CSMD1: variants seen among roughly 807,000 people sequenced by gnomAD.
CSMD1 encodes the protein CUB and sushi domain-containing protein 1.
In CSMD1, 213 loss-of-function variants were observed where a neutral mutation model predicts 417.5. The observed-to-expected ratio is 0.51, with a 90% CI of 0.46 to 0.57. The LOEUF is 0.57. CSMD1 is among the 20% of genes least tolerant of loss of function. CSMD1 has a pLI of 0.00. For missense variants in CSMD1, 6,923 were observed against 4,529.7 expected, an observed-to-expected ratio of 1.53 and a Z score of -15.17; for synonymous variants, 2,862 against 1,736.8, an observed-to-expected ratio of 1.65 and a Z score of -16.11.
At chr8:3,549,514 G>A (rs1177613827) in intron 10 of CSMD1, among the ~76,000 whole-genome samples, 1 of 152,174 alleles carries the variant, frequency 6.6e-6, no homozygotes, top group South Asian at 2.1e-4. Context: ...GGTCGTCAGG[G>A]CTCTCCTTTC....
intron 3 of CSMD1, among the ~76,000 whole-genome samples, chr8:4,324,851 T>C (rs1286011469): frequency 6.6e-6 from 1 of 152,178 alleles, no homozygotes; most frequent in East Asian, 1.9e-4. Context: ...GAGGAGGGAC[T>C]CCCATCCCAG....
chr8:2,979,527 C>A (rs1247998288), intron 54 of CSMD1, among the ~76,000 whole-genome samples: 2 of 152,218 alleles, frequency 1.3e-5, no homozygotes, highest in Admixed American at 1.3e-4. Context: ...TGCTTTGACC[C>A]ACCCCACCAG....
intron 2 of CSMD1, among the ~76,000 whole-genome samples, chr8:4,628,521 A>G (rs745515549): frequency 6.6e-6 from 1 of 151,654 alleles, no homozygotes; most frequent in African/African-American, 2.4e-5. Context: ...CTATACAGAG[A>G]GAGAAAGAGA....
At chr8:4,372,098 C>G (rs886281106) in intron 3 of CSMD1, among the ~76,000 whole-genome samples, 1 of 152,204 alleles carries the variant, frequency 6.6e-6, no homozygotes, top group Non-Finnish European at 1.5e-5. Context: ...CCCTTTCTAT[C>G]TCAGTGCAAA....
chr8:3,780,516 G>C (rs566868924), intron 5 of CSMD1, among the ~76,000 whole-genome samples: 29 of 152,124 alleles, frequency 1.9e-4, no homozygotes, highest in Non-Finnish European at 3.7e-4. Flanking sequence ...GTCAATTTTT[G>C]TGGTACTACT....
chr8:3,412,838 G>A (rs376606141), intron 12 of CSMD1, among the ~76,000 whole-genome samples: 28 of 152,330 alleles, frequency 1.8e-4, no homozygotes, highest in East Asian at 7.7e-4. Context: ...TTGAATGAGC[G>A]TCTGTCACTG....
intron 8 of CSMD1, among the ~76,000 whole-genome samples, chr8:3,597,275 A>T (rs545200576): frequency 1.3e-4 from 20 of 152,234 alleles, no homozygotes; most frequent in Admixed American, 5.2e-4. Context: ...GAGACAGAGC[A>T]TCTCCCTGGG....
At chr8:4,988,771 A>T (rs935999054) in intron 1 of CSMD1, among the ~76,000 whole-genome samples, 1 of 152,252 alleles carries the variant, frequency 6.6e-6, no homozygotes, top group Non-Finnish European at 1.5e-5. Flanking sequence ...ATTGCAACTG[A>T]GCTCAGAAAA....
intron 43 of CSMD1, among the ~76,000 whole-genome samples, chr8:3,109,879 C>CAT (rs1358432050): frequency 2.0e-5 from 3 of 151,244 alleles, no homozygotes; most frequent in African/African-American, 7.3e-5. Flanking sequence ...ATCACACACC[C>CAT]ATACCCAACC....
In CSMD1 at chr8:2,996,997, T is replaced by C. The variant is rs201958867; in HGVS notation, c.8377+1014A>G. 9.2e-5 allele frequency among the ~76,000 whole-genome samples: 14 copies of C among 152,342 alleles called. No homozygotes were observed. In the East Asian group the frequency reaches 2.5e-3, roughly 27 times the overall value. ...TGGGGCTGACCAATGTCCCTGGGCT[T>C]CTTAAGCTGGGGTGGTTCCCTCCTC... On this transcript the variant is annotated intron_variant, in intron 54 of 69. Transcript: ENST00000635120.
At chr8:3,379,312 G>A (rs532534756) in intron 18 of CSMD1, among the ~76,000 whole-genome samples, 5 of 152,226 alleles carry the variant, frequency 3.3e-5, no homozygotes, top group African/African-American at 1.2e-4. Flanking sequence ...TGTGAAAATG[G>A]CAATACTGTC....
At chr8:4,424,961 T>C (rs562446052) in intron 2 of CSMD1, among the ~76,000 whole-genome samples, 2 of 152,126 alleles carry the variant, frequency 1.3e-5, no homozygotes, top group African/African-American at 4.8e-5. Context: ...CAAGAACATA[T>C]TAAGATTAAA....
chr8:4,978,617 G>A (rs1156332400), intron 1 of CSMD1, among the ~76,000 whole-genome samples: 1 of 152,144 alleles, frequency 6.6e-6, no homozygotes, highest in Non-Finnish European at 1.5e-5. Context: ...AGCCTCTGGT[G>A]CTTTTTTGAA....
intron 26 of CSMD1, among the ~76,000 whole-genome samples, chr8:3,245,096 C>G (rs1166238331): frequency 6.6e-6 from 1 of 152,206 alleles, no homozygotes; most frequent in African/African-American, 2.4e-5. Flanking sequence ...ATTTGTAAAG[C>G]AGATCATGAA....
At position 3,708,415 on chromosome 8, in the gene CSMD1, G is replaced by A; in HGVS notation, c.1008C>T (p.Val336=). The change falls in exon 7 of 70, where the codon GTC becomes GTT. Residue 336 remains valine (V), a splice_region_variant and synonymous_variant. Coordinates refer to ENST00000635120, the MANE Select transcript of CSMD1 (RefSeq NM_033225.6). ...CAGATAGAAAGGAAAGGGACTCACA[G>A]ACAGAGTTTTTATGGCTTCCATCCT... ...PSKDGSHKNS[V]LSQGGVALVS... is the part of the protein sequence containing the mutation. The A allele has an allele frequency of 1.2e-6, 2 of 1,613,410 alleles. No homozygotes were observed. The highest frequency in any genetic ancestry group is 1.1e-5 in the South Asian group (1 of 91,076).
chr8:3,000,665 A>G (rs946072503), intron 52 of CSMD1, among the ~76,000 whole-genome samples: 1 of 152,208 alleles, frequency 6.6e-6, no homozygotes, highest in Non-Finnish European at 1.5e-5. Context: ...CTGATGTCTG[A>G]GTAAAAATGG....
Position 3,262,218 on chromosome 8 carries a change from TATATATATATATAC to T in CSMD1, c.4153+21912_4153+21925del, listed in dbSNP as rs1317258405. 1.8e-3 allele frequency among the ~76,000 whole-genome samples: 230 copies of T among 125,690 alleles called. 5 individuals are homozygous for T. The highest frequency in any genetic ancestry group is 6.9e-3 in the African/African-American group (212 of 30,636). 82.5% of individuals were successfully genotyped at this position (125,690 alleles called of 152,430 possible). The stretch of plus-strand genomic sequence containing the variant: ...ATATATATATATATATATATATATA[TATATATATATATAC>T]ACACACATAGTTAATTTCAAAATTC... On this transcript the variant is annotated intron_variant, in intron 26 of 69. Transcript: ENST00000635120.
At chr8:3,760,115 A>G (rs1284790587) in intron 5 of CSMD1, among the ~76,000 whole-genome samples, 1 of 152,040 alleles carries the variant, frequency 6.6e-6, no homozygotes, top group Non-Finnish European at 1.5e-5. Context: ...AAAAAGAGTA[A>G]AAGAGTAACA....
intron 1 of CSMD1, among the ~76,000 whole-genome samples, chr8:4,699,215 T>A (rs1330183806): frequency 6.6e-6 from 1 of 152,236 alleles, no homozygotes; most frequent in Non-Finnish European, 1.5e-5. Flanking sequence ...AATACTCAAA[T>A]GTTTTCCTTT....
Sources: gnomAD v4.1 joint callset for allele counts (sites outside exome capture counted in the v4.1 genomes callset) on GRCh38, gnomAD v4.1.1 for gene constraint, MANE v1.5 for transcripts, NCBI Gene and HGNC (gene_info 2026-07-23, HGNC 2026-07-21) for gene names.